The following PLPPR1 variants were observed in gnomAD, a reference collection of about 807,000 sequenced individuals.
The protein encoded by PLPPR1 is phospholipid phosphatase-related protein type 1.
A neutral mutation model predicts 33.1 loss-of-function variants in PLPPR1; 10 were observed. That is an observed-to-expected ratio of 0.30 (90% CI 0.19 to 0.51). The LOEUF is 0.51. PLPPR1 is among the 20% of genes least tolerant of loss of function. PLPPR1 has a pLI of 0.97. For missense variants in PLPPR1, 304 were observed against 408.1 expected, an observed-to-expected ratio of 0.74 and a Z score of 2.20; for synonymous variants, 151 against 151.0, an observed-to-expected ratio of 1.00 and a Z score of 0.00.
At chr9:101,058,413 G>A (rs993710996) in intron 1 of PLPPR1, among the ~76,000 whole-genome samples, 10 of 152,050 alleles carry the variant, frequency 6.6e-5, no homozygotes, top group African/African-American at 2.2e-4. Flanking sequence ...AGATGGGGCA[G>A]GAGACAGTGA....
chr9:101,066,670 T>G (rs1253129500), intron 1 of PLPPR1, among the ~76,000 whole-genome samples: 1 of 152,042 alleles, frequency 6.6e-6, no homozygotes, highest in South Asian at 2.1e-4. Flanking sequence ...AGTTGGATCC[T>G]GGGCTCCTTT....
chr9:101,172,293 T>C (rs1825953907), intron 1 of PLPPR1, among the ~76,000 whole-genome samples: 1 of 151,968 alleles, frequency 6.6e-6, no homozygotes, highest in African/African-American at 2.4e-5. Context: ...AAGATGTCTT[T>C]TGCAAAATAA....
intron 1 of PLPPR1, among the ~76,000 whole-genome samples, chr9:101,073,628 A>G (rs1830505449): frequency 6.6e-6 from 1 of 152,184 alleles, no homozygotes; most frequent in Admixed American, 6.5e-5. Flanking sequence ...TAAGCTCAGT[A>G]AGATTAGGCT....
rs142561473 is a variant in PLPPR1 at position 101,265,656 on chromosome 9, G to T, written c.64-4224G>T. The stretch of plus-strand genomic sequence containing the variant: ...CTGCTCATGGAGACAGAATCAATGT[G>T]TGTTGTTTCTGTTCCTGCAGTATGT... On this transcript the variant is annotated intron_variant, in intron 2 of 7. Transcript: ENST00000374874. Among the ~76,000 whole-genome samples, 62 of 152,300 alleles carry T rather than the reference G, an allele frequency of 4.1e-4. No homozygotes were observed. The East Asian group carries it at 0.011, about 28-fold the overall frequency.
intron 2 of PLPPR1, among the ~76,000 whole-genome samples, chr9:101,222,353 C>G (rs1158094855): frequency 3.3e-5 from 5 of 152,222 alleles, no homozygotes; most frequent in South Asian, 2.1e-4. Flanking sequence ...AGAATATGGG[C>G]AATTGTATGT....
chr9:101,046,292 AAATGCATG>A (rs1275762194), intron 1 of PLPPR1, among the ~76,000 whole-genome samples: 2 of 151,876 alleles, frequency 1.3e-5, no homozygotes, highest in Non-Finnish European at 2.9e-5. Flanking sequence ...TGCTGTTCCT[AAATGCATG>A]ACGCCCTCCC....
At chr9:101,270,218 C>T (rs1828070088) in intron 3 of PLPPR1, 150 bp downstream of exon 3, 3 of 776,218 alleles carry the variant, frequency 3.9e-6, no homozygotes, top group Non-Finnish European at 6.2e-6. Context: ...GAATGGAGCT[C>T]TGCAGAAAAA....
chr9:101,286,662 A>G (rs1037125244), intron 4 of PLPPR1, among the ~76,000 whole-genome samples: 6 of 152,230 alleles, frequency 3.9e-5, no homozygotes, highest in African/African-American at 1.4e-4. Flanking sequence ...AATCTCAGCC[A>G]TCAGGTTCTT....
chr9:101,282,240 G>A (rs941194142), intron 3 of PLPPR1, among the ~76,000 whole-genome samples: 2 of 152,258 alleles, frequency 1.3e-5, no homozygotes, highest in Middle Eastern at 3.4e-3. Flanking sequence ...TTCATCCCAA[G>A]GGTGCAAAGA....
chr9:101,210,855 C>T (rs932538180), intron 2 of PLPPR1, among the ~76,000 whole-genome samples: 7 of 152,218 alleles, frequency 4.6e-5, no homozygotes, highest in African/African-American at 1.7e-4. Flanking sequence ...GCAAGCTCCG[C>T]CTCCTGGGTT....
chr9:101,080,955 G>GC (rs1830609606), intron 1 of PLPPR1, among the ~76,000 whole-genome samples: 1 of 152,234 alleles, frequency 6.6e-6, no homozygotes, highest in East Asian at 1.9e-4. Flanking sequence ...GAAGTATCTG[G>GC]TGCCATTGAT....
chr9:101,269,040 C>T (rs764883998), intron 2 of PLPPR1, among the ~76,000 whole-genome samples: 54 of 152,144 alleles, frequency 3.5e-4, no homozygotes, highest in Admixed American at 2.9e-3. Context: ...CCTTTATTCA[C>T]CATCTTATCT....
chr9:101,036,082 T>A (rs980243975), intron 1 of PLPPR1, among the ~76,000 whole-genome samples: 3 of 152,204 alleles, frequency 2.0e-5, no homozygotes, highest in Non-Finnish European at 2.9e-5. Context: ...ACGATTTTTT[T>A]AAATGTTGCA....
In PLPPR1 at chr9:101,296,876, G is replaced by A. The variant is rs1828654296; in HGVS notation, c.385+10640G>A. On this transcript the variant is annotated intron_variant, in intron 4 of 7. Coordinates refer to ENST00000374874, the MANE Select transcript of PLPPR1 (RefSeq NM_207299.2). ...ACGAGTTAATGGGTGCGGCACACCA[G>A]CATGTCACATGTATACATATGTAAC... Among the ~76,000 whole-genome samples, 3 of 151,988 alleles carry A rather than the reference G, an allele frequency of 2.0e-5. No individual in the cohort carries two copies. The South Asian group carries it at 6.2e-4, about 32-fold the overall frequency.
chr9:101,240,439 C>T (rs1827439982), intron 2 of PLPPR1, among the ~76,000 whole-genome samples: 1 of 149,892 alleles, frequency 6.7e-6, no homozygotes, highest in Non-Finnish European at 1.5e-5. Context: ...TGAAGAATAT[C>T]ATTGGCATTT....
At chr9:101,126,236 G>A (rs1195880131) in intron 1 of PLPPR1, among the ~76,000 whole-genome samples, 3 of 152,112 alleles carry the variant, frequency 2.0e-5, no homozygotes, top group Non-Finnish European at 4.4e-5. Flanking sequence ...TTTCTCCTGG[G>A]GAAGCAGACC....
At position 101,286,086 on chromosome 9, in the gene PLPPR1, T is replaced by TA. The variant is rs753056394; in HGVS notation, c.253-15dup. On this transcript the variant is annotated splice_polypyrimidine_tract_variant and intron_variant, in intron 3 of 7. Coordinates refer to ENST00000374874, the MANE Select transcript of PLPPR1 (RefSeq NM_207299.2). ...AACAGATCTCCAACTTGACATTTCTTAAACATTCCTTCCCTAGATTTTTAT... is the reference window on the plus strand; with the variant it reads ...AACAGATCTCCAACTTGACATTTCTTAAAACATTCCTTCCCTAGATTTTTAT... 1 of 1,606,946 alleles carries TA rather than the reference T, an allele frequency of 6.2e-7. No homozygotes were observed. Among genetic ancestry groups the TA allele is most frequent in the Admixed American group, 1.7e-5 (1 of 59,546 alleles).
intron 2 of PLPPR1, among the ~76,000 whole-genome samples, chr9:101,206,349 G>T (rs1826587987): frequency 6.6e-6 from 1 of 152,126 alleles, no homozygotes; most frequent in African/African-American, 2.4e-5. Flanking sequence ...TTAACTTTCT[G>T]GAAGTTCTCC....
chr9:101,108,974 T>TG (rs1440334738), intron 1 of PLPPR1, among the ~76,000 whole-genome samples: 137 of 150,640 alleles, frequency 9.1e-4, no homozygotes, highest in Non-Finnish European at 1.7e-3. Flanking sequence ...TTTTTTTTTT[T>TG]TTGAGATGGA....
Sources: gnomAD v4.1 joint callset for allele counts (sites outside exome capture counted in the v4.1 genomes callset) on GRCh38, gnomAD v4.1.1 for gene constraint, MANE v1.5 for transcripts, NCBI Gene and HGNC (gene_info 2026-07-23, HGNC 2026-07-21) for gene names.